XYLB: variants seen among roughly 807,000 people sequenced by gnomAD.
XYLB encodes the protein xylulokinase, also known as xylulose kinase.
In XYLB, 62 loss-of-function variants were observed where a neutral mutation model predicts 78.7. The observed-to-expected ratio is 0.79, with a 90% CI of 0.64 to 0.97. The LOEUF (loss-of-function observed/expected upper bound fraction) is 0.97, where lower values mean the gene tolerates loss of function less well. Ranked by LOEUF, XYLB falls within the 50% of genes least tolerant of loss-of-function variation. XYLB has a pLI of 0.00. For missense variants in XYLB, 687 were observed against 676.8 expected, an observed-to-expected ratio of 1.02 and a Z score of -0.17; for synonymous variants, 245 against 247.4, an observed-to-expected ratio of 0.99 and a Z score of 0.09.
chr3:38,350,774 T>C (rs918483412), intron 2 of XYLB, among the ~76,000 whole-genome samples: 13 of 67,292 alleles, frequency 1.9e-4, no homozygotes, highest in African/African-American at 5.0e-4. Flanking sequence ...TTTGATAAGT[T>C]ATAGTTTCAT....
chr3:38,452,923 A>C, the XYLB span: 1 of 152,162 alleles, frequency 6.6e-6, no homozygotes, highest in Non-Finnish European at 1.5e-5. Flanking sequence ...AGGATGTGCC[A>C]AGTCAAGAGA....
chr3:38,434,407 T>C, the XYLB span, among the ~76,000 whole-genome samples: 4 of 151,832 alleles, frequency 2.6e-5, no homozygotes, highest in African/African-American at 7.3e-5. Context: ...CAGAAGATAA[T>C]TGGATGATAT....
chr3:38,431,363 G>A, the XYLB span, among the ~76,000 whole-genome samples: 10 of 152,226 alleles, frequency 6.6e-5, no homozygotes, highest in Admixed American at 6.5e-4. Flanking sequence ...TCTGTTCTTG[G>A]TGTATAGGAA....
At chr3:38,389,586 C>T (rs1204714271) in intron 15 of XYLB, among the ~76,000 whole-genome samples, 7 of 150,020 alleles carry the variant, frequency 4.7e-5, no homozygotes, top group Non-Finnish European at 1.0e-4. Context: ...GCTGACCCCC[C>T]ACCTCCCTCC....
At chr3:38,440,066 G>A in the XYLB span, among the ~76,000 whole-genome samples, 3 of 152,144 alleles carry the variant, frequency 2.0e-5, no homozygotes, top group African/African-American at 7.2e-5. Flanking sequence ...AGATAAACTG[G>A]CGATTCTGGT....
intron 2 of XYLB, 117 bp downstream of exon 2, chr3:38,348,749 C>G: frequency 1.2e-6 from 1 of 840,618 alleles, no homozygotes; most frequent in South Asian, 1.5e-5. Flanking sequence ...GAGTGGTGGT[C>G]TCGGCAGACC....
At chr3:38,442,689 C>T in the XYLB span, among the ~76,000 whole-genome samples, 1 of 149,270 alleles carries the variant, frequency 6.7e-6, no homozygotes, top group African/African-American at 2.5e-5. Context: ...TTTTTCTACT[C>T]CTAGAATTGG....
At chr3:38,394,036 A>G (rs1273134134) in intron 15 of XYLB, among the ~76,000 whole-genome samples, 3 of 152,192 alleles carry the variant, frequency 2.0e-5, no homozygotes, top group Non-Finnish European at 4.4e-5. Context: ...AATATTTTAT[A>G]AGAAATTGGT....
At chr3:38,410,626 A>G (rs1310194233) in intron 18 of XYLB, among the ~76,000 whole-genome samples, 1 of 152,244 alleles carries the variant, frequency 6.6e-6, no homozygotes, top group Non-Finnish European at 1.5e-5. Context: ...AATTTTTGCA[A>G]TCTACTCATC....
Position 38,346,906 on chromosome 3 carries a change from G to T in XYLB, c.38G>T (p.Trp13Leu). Residue 13 changes from tryptophan to leucine, a missense_variant, in exon 1 of 19, where the codon TGG becomes TTG. By Grantham distance (61) the Trp-to-Leu change is moderately conservative. Transcript: ENST00000207870. ...EHAPRRCCLG[W>L]DFSTQQVKVV... ...GCCCCTCGCCGCTGCTGCCTGGGCT[G>T]GGACTTCAGCACGCAGCAGGTACAG... The T allele has an allele frequency of 6.6e-7, 1 of 1,517,124 alleles. No individual in the cohort carries two copies. The highest frequency in any genetic ancestry group is 2.8e-5 in the East Asian group (1 of 36,052). 94.0% of individuals were successfully genotyped at this position (1,517,124 alleles called of 1,614,324 possible).
intron 17 of XYLB, among the ~76,000 whole-genome samples, chr3:38,399,693 G>C (rs1708043159): frequency 6.6e-6 from 1 of 152,178 alleles, no homozygotes; most frequent in South Asian, 2.1e-4. Context: ...GGACTTCACT[G>C]CCATCCTGCA....
chr3:38,420,331 T>C lies in XYLB; in HGVS notation c.*274T>C, dbSNP rs114149184. Among the ~76,000 whole-genome samples the C allele has an allele frequency of 2.5e-3, 375 of 152,322 alleles. 2 individuals carry two copies. The highest frequency in any genetic ancestry group is 8.8e-3 in the African/African-American group (365 of 41,558). On this transcript the variant is annotated 3_prime_UTR_variant, in exon 18 of 18. Coordinates refer to the XYLB transcript ENST00000650590. ...GCAATGGCTAGAATGTCTAGTATAG[T>C]GTTGAATAGAAGCAGGGAGAGCAAT...
the XYLB span, among the ~76,000 whole-genome samples, chr3:38,449,158 C>T: frequency 6.6e-6 from 1 of 151,922 alleles, no homozygotes; most frequent in African/African-American, 2.4e-5. Context: ...AAGTCTTGCT[C>T]TGTTGCCAGG....
chr3:38,419,202 T>C (rs1708894787), downstream of XYLB, among the ~76,000 whole-genome samples: 1 of 152,192 alleles, frequency 6.6e-6, no homozygotes, highest in Admixed American at 6.5e-5. Context: ...TTTGCATGTG[T>C]AAAATAGTTA....
At chr3:38,365,385 C>T (rs1173232182) in intron 5 of XYLB, 100 bp downstream of exon 5, 106 of 1,406,784 alleles carry the variant, frequency 7.5e-5, no homozygotes, top group Non-Finnish European at 9.8e-5. Context: ...GCTGTGCTCA[C>T]GCGCCCTCAC....
intron 18 of XYLB, among the ~76,000 whole-genome samples, chr3:38,401,966 G>A (rs934217562): frequency 2.0e-5 from 3 of 152,034 alleles, no homozygotes; most frequent in Admixed American, 6.5e-5. Flanking sequence ...ATTTTGTAGC[G>A]GCAGGCAGAA....
intron 15 of XYLB, among the ~76,000 whole-genome samples, chr3:38,391,786 A>T (rs1006594911): frequency 1.3e-5 from 2 of 152,206 alleles, no homozygotes; most frequent in Admixed American, 6.5e-5. Flanking sequence ...ATGTGAGGAC[A>T]TAGCATTCTG....
At position 38,346,923 on chromosome 3, in the gene XYLB, C is replaced by T. The variant is rs200154272; in HGVS notation, c.55C>T (p.Gln19Ter). The T allele has an allele frequency of 2.0e-5, 30 of 1,494,198 alleles. No individual in the cohort carries two copies. The African/African-American group carries it at 2.6e-4, about 13-fold the overall frequency. 92.6% of individuals were successfully genotyped at this position (1,494,198 alleles called of 1,614,324 possible). Residue 19 changes from glutamine to a stop codon, truncating the protein, a stop_gained and splice_region_variant, in exon 1 of 19, where the codon CAG becomes TAG. Transcript: ENST00000207870. LOFTEE classifies it high-confidence loss of function. ...CCLGWDFSTQQVKVVAVDAEL... is the reference protein window; with the variant it reads ...CCLGWDFSTQ ...CCTGGGCTGGGACTTCAGCACGCAG[C>T]AGGTACAGTCGCCTGGCCGCAGGGC... is the stretch of plus-strand genomic sequence containing the variant.
At chr3:38,400,865 A>G in intron 17 of XYLB, 26 bp from the exon 18 acceptor site, 1 of 1,601,486 alleles carries the variant, frequency 6.2e-7, no homozygotes, top group Non-Finnish European at 8.5e-7. Context: ...AACATGCACT[A>G]ATGTGAAGTG....
Sources: allele counts gnomAD v4.1 joint callset (sites outside exome capture counted in the v4.1 genomes callset), GRCh38; gene constraint gnomAD v4.1.1; transcripts MANE v1.5; gene names NCBI Gene and HGNC (gene_info 2026-07-23, HGNC 2026-07-21).